The following PGM1 variants were observed in gnomAD, a reference collection of about 807,000 sequenced individuals.
The protein encoded by PGM1 is phosphoglucomutase 1.
Under a neutral mutation model 55.6 loss-of-function variants are expected in PGM1, and 52 were observed. The observed-to-expected ratio is 0.94, with a 90% confidence interval of 0.75 to 1.18. The LOEUF is 1.18. Among genes scored for constraint, PGM1 ranks in the 50% most tolerant of loss-of-function variants. The pLI is 0.00. For missense variants in PGM1, 724 were observed against 729.3 expected (o/e 0.99, Z 0.08); for synonymous variants, 287 against 271.7 (o/e 1.06, Z -0.55).
chr1:63,648,676 A>G (rs759136013), intron 8 of PGM1, 24 bp downstream of exon 8: 1 of 1,612,994 alleles, frequency 6.2e-7, no homozygotes, highest in South Asian at 1.1e-5. Context: ...CAGCTGGGGT[A>G]CAAGGTAAGG....
rs1227638309 is a variant in PGM1 at position 63,604,944 on chromosome 1, TG to T, written c.246+11211del. 9.4e-3 allele frequency among the ~76,000 whole-genome samples: 1,369 copies of T among 146,076 alleles called. 23 individuals carry two copies. The highest frequency in any genetic ancestry group is 0.034 in the African/African-American group (1,313 of 39,154). ...GTGTGTGTGTGTGTGTGTGTGTGTG[TG>T]TGTGTGTGTGTGTGTAAAGAGAGGG... On this transcript the variant is annotated intron_variant, in intron 1 of 10. Coordinates refer to ENST00000371084, the MANE Select transcript of PGM1 (RefSeq NM_002633.3).
At chr1:63,636,020 A>C (rs1649351951) in intron 5 of PGM1, among the ~76,000 whole-genome samples, 1 of 152,264 alleles carries the variant, frequency 6.6e-6, no homozygotes, top group South Asian at 2.1e-4. Flanking sequence ...ACTTTAATTG[A>C]AAACAGTTTT....
intron 4 of PGM1, among the ~76,000 whole-genome samples, chr1:63,633,928 ATATATTTTTTTT>A (rs1649283001): frequency 1.6e-5 from 1 of 64,376 alleles, no homozygotes; most frequent in African/African-American, 1.1e-4. Context: ...GTATATATAT[ATATATTTTTTTT>A]TTTTTTTTTT....
chr1:63,633,902 GTGTGTGTGTGTGTGTGTA>G (rs1465941496), intron 4 of PGM1, among the ~76,000 whole-genome samples: 23 of 39,000 alleles, frequency 5.9e-4, no homozygotes, highest in African/African-American at 2.2e-3. Context: ...GTGTGTGTGT[GTGTGTGTGTGTGTGTGTA>G]TATATATATA....
Position 63,648,541 on chromosome 1 carries a change from A to G in PGM1, c.1169A>G (p.Asp390Gly), listed in dbSNP as rs1649715589. 6.2e-7 allele frequency: 1 copy of G among 1,614,072 alleles called. No homozygotes were observed. Among genetic ancestry groups the G allele is most frequent in the Non-Finnish European group, 8.5e-7 (1 of 1,179,978 alleles). The change falls in exon 8 of 11, where the codon GAT becomes GGT. Residue 390 changes from aspartate (D) to glycine (G), a missense_variant. Around this residue, in one of 3 missense-constraint regions of PGM1, gnomAD observed 316 missense variants for 313.1 expected, o/e 1.01. Transcript: ENST00000371084. ...GGTTCTGACCACATCCGTGAGAAAG[A>G]TGGACTGTGGGCTGTCCTTGCCTGG... is the stretch of plus-strand genomic sequence containing the variant. ...GTGSDHIREK[D>G]GLWAVLAWLS...
At chr1:63,659,113 G>T (rs1299193402) in intron 10 of PGM1, among the ~76,000 whole-genome samples, 2 of 152,186 alleles carry the variant, frequency 1.3e-5, no homozygotes, top group Non-Finnish European at 2.9e-5. Context: ...GATGAGATTT[G>T]AGTGGGGACA....
chr1:63,649,616 C>A (rs1286028959), intron 8 of PGM1, among the ~76,000 whole-genome samples: 2 of 152,118 alleles, frequency 1.3e-5, no homozygotes, highest in Admixed American at 1.3e-4. Flanking sequence ...TTTTATAGTC[C>A]GTGATCTCTG....
Position 63,648,603 on chromosome 1 carries a change from G to A in PGM1, c.1231G>A (p.Asp411Asn). ...ILATRKQSVE[D>N]ILKDHWQKYG... ...AGCCACCCGCAAGCAGAGTGTGGAG[G>A]ACATTCTCAAAGATCATTGGCAAAA... The change falls in exon 8 of 11, where the codon GAC (aspartate) becomes AAC (asparagine). Residue 411 changes from aspartate to asparagine, a missense_variant. Transcript: ENST00000371084. The A allele has an allele frequency of 6.2e-7, 1 of 1,614,060 alleles. No homozygotes were observed.
intron 4 of PGM1, among the ~76,000 whole-genome samples, chr1:63,633,902 GTGTGTGTGTGTGTGTGTATATATATATA>G (rs1392094695): frequency 1.7e-3 from 65 of 38,966 alleles, no homozygotes; most frequent in African/African-American, 9.3e-3. Context: ...GTGTGTGTGT[GTGTGTGTGTGTGTGTGTATATATATATA>G]TATTTTTTTT....
intron 1 of PGM1, among the ~76,000 whole-genome samples, chr1:63,605,516 C>T (rs138699448): frequency 6.6e-6 from 1 of 152,248 alleles, no homozygotes; most frequent in African/African-American, 2.4e-5. Context: ...TCTGATTTTG[C>T]TGGTGGGCTA....
chr1:63,593,529 A>G lies in PGM1; in HGVS notation c.41A>G (p.Asp14Gly), dbSNP rs752536129. The G allele has an allele frequency of 2.5e-6, 4 of 1,613,884 alleles. No individual in the cohort carries two copies. The highest frequency in any genetic ancestry group is 3.4e-6 in the Non-Finnish European group (4 of 1,179,930). Residue 14 changes from aspartate (D) to glycine (G), a missense_variant, in exon 1 of 11, where the codon GAC becomes GGC. Physicochemically the swap from Asp to Gly is moderately conservative, Grantham distance 94 (BLOSUM62 -1). Transcript: ENST00000371084. ...ACAGTTAAGACCCAGGCGTACCAGG[A>G]CCAGAAGCCGGGCACGAGCGGGCTG... ...IVTVKTQAYQ[D>G]QKPGTSGLRK...
intron 10 of PGM1, among the ~76,000 whole-genome samples, chr1:63,656,514 A>G (rs1224247120): frequency 6.6e-6 from 1 of 152,144 alleles, no homozygotes; most frequent in Non-Finnish European, 1.5e-5. Context: ...ATTATTCACA[A>G]TAGTCAAGAT....
intron 7 of PGM1, among the ~76,000 whole-genome samples, chr1:63,643,889 AGG>A (rs1649585418): frequency 6.6e-6 from 1 of 152,226 alleles, no homozygotes; most frequent in Non-Finnish European, 1.5e-5. Context: ...TGGGCTTTCC[AGG>A]CAGTGAGAAC....
At chr1:63,640,543 G>GATT (rs1291838088) in intron 7 of PGM1, among the ~76,000 whole-genome samples, 1 of 151,998 alleles carries the variant, frequency 6.6e-6, no homozygotes, top group South Asian at 2.1e-4. Context: ...CCACAATAAT[G>GATT]ATTATTATTA....
In PGM1 at chr1:63,654,418, C is replaced by A. The variant is rs1557445467; in HGVS notation, c.1551C>A (p.Tyr517Ter). 5.6e-6 allele frequency: 9 copies of A among 1,614,056 alleles called. No individual in the cohort carries two copies. Among genetic ancestry groups the A allele is most frequent in the Non-Finnish European group, 7.6e-6 (9 of 1,179,940 alleles). The change falls in exon 10 of 11, where the codon TAC becomes TAA. Residue 517 changes from tyrosine to a stop codon, truncating the protein, a stop_gained. Transcript: ENST00000371084. LOFTEE classifies it high-confidence loss of function. ...GTGCCGGGGCCACCATTCGGCTGTA[C>A]ATCGATAGCTATGAGAAGGACGTTG... ...TGSAGATIRL[Y>*]IDSYEKDVAK...
At chr1:63,622,301 A>G (rs1182000148) in intron 1 of PGM1, among the ~76,000 whole-genome samples, 1 of 152,026 alleles carries the variant, frequency 6.6e-6, no homozygotes, top group Non-Finnish European at 1.5e-5. Context: ...CTGGGATTAC[A>G]GGTGTGAGCC....
chr1:63,618,711 G>C (rs535034608), intron 1 of PGM1, among the ~76,000 whole-genome samples: 1 of 152,286 alleles, frequency 6.6e-6, no homozygotes, highest in African/African-American at 2.4e-5. Flanking sequence ...GGTGACACCA[G>C]CTGGGTGAGG....
intron 1 of PGM1, among the ~76,000 whole-genome samples, chr1:63,617,127 C>T (rs888325466): frequency 3.3e-5 from 5 of 152,198 alleles, no homozygotes; most frequent in Non-Finnish European, 5.9e-5. Flanking sequence ...CCCTTGCCCA[C>T]GGTCCCCTAG....
intron 1 of PGM1, among the ~76,000 whole-genome samples, chr1:63,621,453 G>A (rs771070934): frequency 1.3e-5 from 2 of 152,054 alleles, no homozygotes; most frequent in Non-Finnish European, 2.9e-5. Context: ...AAAGATTATT[G>A]GAATGATATT....
Sources: allele counts gnomAD v4.1 joint callset (sites outside exome capture counted in the v4.1 genomes callset), GRCh38; gene constraint gnomAD v4.1.1; regional missense constraint gnomAD v4.1.1; transcripts MANE v1.5; gene names NCBI Gene and HGNC (gene_info 2026-07-23, HGNC 2026-07-21).